CD200: variants seen among roughly 807,000 people sequenced by gnomAD.
The protein encoded by CD200 is CD200 molecule.
In CD200, 15 loss-of-function variants were observed where a neutral mutation model predicts 30.9. The ratio of observed to expected loss-of-function variants is 0.49; its 90% CI spans 0.32 to 0.75. The LOEUF is 0.75. Ranked by LOEUF, CD200 falls within the 30% of genes least tolerant of loss-of-function variation. The pLI is 0.03. For synonymous variants in CD200, 134 were observed against 126.2 expected, an observed-to-expected ratio of 1.06 and a Z score of -0.41; for missense variants, 262 against 324.2, an observed-to-expected ratio of 0.81 and a Z score of 1.47.
At chr3:112,357,511 T>G (rs2081650869) in intron 5 of CD200, among the ~76,000 whole-genome samples, 1 of 152,184 alleles carries the variant, frequency 6.6e-6, no homozygotes, top group Admixed American at 6.5e-5. Context: ...TTTTTGTAAT[T>G]ACTAAATCTA....
chr3:112,361,208 T>A (rs889308612), intron 5 of CD200, among the ~76,000 whole-genome samples: 12 of 151,978 alleles, frequency 7.9e-5, no homozygotes, highest in Non-Finnish European at 1.6e-4. Context: ...AGCTATTTTT[T>A]TTTTTATTTT....
rs1200264220 is a variant in CD200, at chr3:112,361,697, T to A, written c.*147T>A. 13 of 758,634 alleles carry A rather than the reference T, an allele frequency of 1.7e-5. No homozygotes were observed. The highest frequency in any genetic ancestry group is 2.9e-5 in the Non-Finnish European group (12 of 420,752). 47.0% of individuals were successfully genotyped at this position (758,634 alleles called of 1,614,324 possible). On this transcript the variant is annotated 3_prime_UTR_variant, in exon 6 of 6. Transcript: ENST00000315711. ...AAGCCTTAAGGATCCCACGACTTTT[T>A]ACTGCCATCTGAGCTACTCAGTGTT...
chr3:112,335,569 T>C (rs1048829324), intron 1 of CD200, among the ~76,000 whole-genome samples: 1 of 151,978 alleles, frequency 6.6e-6, no homozygotes, highest in African/African-American at 2.4e-5. Flanking sequence ...CTGCATGGGG[T>C]CCAGGATGAG....
At chr3:112,342,730 C>T (rs2081296902) in intron 2 of CD200, among the ~76,000 whole-genome samples, 1 of 152,018 alleles carries the variant, frequency 6.6e-6, no homozygotes, top group African/African-American at 2.4e-5. Flanking sequence ...GCATGTCTTA[C>T]CCATGTCTAT....
Position 112,335,236 on chromosome 3 carries a change from A to C in CD200, c.12+2012A>C, listed in dbSNP as rs116139633. 6.9e-3 allele frequency among the ~76,000 whole-genome samples: 1,048 copies of C among 152,278 alleles called. 10 individuals are homozygous for C. The highest frequency in any genetic ancestry group is 0.024 in the African/African-American group (979 of 41,534). ...CTTCAAAACCAAAGCCTTTGTGAGT[A>C]TAATACCCAGCAGTGGATGGGCAGG... On this transcript the variant is annotated intron_variant, in intron 1 of 5. Coordinates refer to ENST00000315711, the MANE Select transcript of CD200 (RefSeq NM_005944.7).
At chr3:112,356,208 TC>T (rs2081621031) in intron 5 of CD200, among the ~76,000 whole-genome samples, 1 of 152,178 alleles carries the variant, frequency 6.6e-6, no homozygotes. Flanking sequence ...ACTCCAACCT[TC>T]TCCCTTTTTT....
intron 3 of CD200, 50 bp from the exon 4 acceptor site, chr3:112,347,508 T>A (rs1442739529): frequency 3.2e-6 from 5 of 1,577,262 alleles, no homozygotes; most frequent in Non-Finnish European, 4.3e-6. Flanking sequence ...ACTGCAGGAC[T>A]CAGACCAGGT....
At position 112,349,752 on chromosome 3, in the gene CD200, C is replaced by T. The variant is rs768380231; in HGVS notation, c.735C>T (p.Ser245=). ...TTCCGCTATTGCTAAGCATTGTTTC[C>T]CTGGTAATTCTTCTCGTCCTAATCT... The part of the protein sequence containing the change: ...FSVPLLLSIV[S]LVILLVLISI... Residue 245 remains serine (S), a synonymous_variant, in exon 5 of 6, where the codon TCC becomes TCT. Coordinates refer to ENST00000315711, the MANE Select transcript of CD200 (RefSeq NM_005944.7). 6.2e-7 allele frequency: 1 copy of T among 1,611,698 alleles called. No homozygotes were observed. The highest frequency in any genetic ancestry group is 1.1e-5 in the South Asian group (1 of 90,584).
intron 5 of CD200, among the ~76,000 whole-genome samples, chr3:112,357,643 G>A (rs2081652859): frequency 6.6e-6 from 1 of 152,216 alleles, no homozygotes; most frequent in Admixed American, 6.5e-5. Context: ...ACAGCTTTGA[G>A]GAAGATTTCA....
At chr3:112,349,985 T>C (rs975965169) in intron 5 of CD200, 166 bp downstream of exon 5, 1 of 984,860 alleles carries the variant, frequency 1.0e-6, no homozygotes, top group Non-Finnish European at 1.2e-6. Flanking sequence ...CGTCGGGGCA[T>C]TTTCTTGCAA....
At chr3:112,346,929 C>T (rs931151627) in intron 3 of CD200, among the ~76,000 whole-genome samples, 4 of 152,156 alleles carry the variant, frequency 2.6e-5, no homozygotes, top group African/African-American at 9.7e-5. Context: ...AGTGCTCTTC[C>T]AACAGTCATT....
intron 5 of CD200, among the ~76,000 whole-genome samples, chr3:112,352,030 C>T (rs955033299): frequency 6.6e-6 from 1 of 152,196 alleles, no homozygotes; most frequent in Non-Finnish European, 1.5e-5. Context: ...TTAAGCCCCA[C>T]CTCTAACACC....
intron 1 of CD200, among the ~76,000 whole-genome samples, chr3:112,339,156 G>A (rs2081184386): frequency 6.6e-6 from 1 of 152,144 alleles, no homozygotes; most frequent in African/African-American, 2.4e-5. Context: ...TTATTTTAAT[G>A]TATCATCTGG....
chr3:112,346,280 T>C (rs531527072), intron 3 of CD200, among the ~76,000 whole-genome samples: 3 of 152,136 alleles, frequency 2.0e-5, no homozygotes, highest in African/African-American at 7.2e-5. Flanking sequence ...CCTTTCTTCT[T>C]TCCTTCCTCC....
chr3:112,348,014 C>G (rs2081440994), intron 4 of CD200, among the ~76,000 whole-genome samples, 184 bp downstream of exon 4: 1 of 152,170 alleles, frequency 6.6e-6, no homozygotes, highest in Admixed American at 6.5e-5. Context: ...GTTTTACTTT[C>G]ATAAATGTGG....
intron 2 of CD200, among the ~76,000 whole-genome samples, chr3:112,342,405 C>G (rs1312645156): frequency 1.7e-5 from 1 of 60,214 alleles, no homozygotes; most frequent in African/African-American, 6.6e-5. Context: ...TTCTTTCTTT[C>G]TTTCTTTCTT....
chr3:112,342,400 T>C (rs965811474), intron 2 of CD200, among the ~76,000 whole-genome samples: 1 of 67,190 alleles, frequency 1.5e-5, no homozygotes, highest in East Asian at 4.4e-4. Flanking sequence ...TTTCTTTCTT[T>C]CTTTCTTTCT....
intron 1 of CD200, chr3:112,335,829 A>G (rs2108419302): frequency 1.3e-6 from 1 of 793,446 alleles, no homozygotes; most frequent in Non-Finnish European, 2.2e-6. Context: ...CACCCAGACC[A>G]TGACAGCTCT....
At chr3:112,355,263 G>A (rs770331052) in intron 5 of CD200, among the ~76,000 whole-genome samples, 2 of 152,036 alleles carry the variant, frequency 1.3e-5, no homozygotes, top group African/African-American at 2.4e-5. Context: ...TTCAAAACCT[G>A]GTCAGAACCT....
Sources: gnomAD v4.1 joint callset for allele counts (sites outside exome capture counted in the v4.1 genomes callset) on GRCh38, gnomAD v4.1.1 for gene constraint, MANE v1.5 for transcripts, NCBI Gene and HGNC (gene_info 2026-07-23, HGNC 2026-07-21) for gene names.